The following PCED1B variants were observed in gnomAD, a reference collection of about 807,000 sequenced individuals.
PCED1B encodes the protein PC-esterase domain-containing protein 1B.
For synonymous variants in PCED1B, 251 were observed against 246.1 expected (o/e 1.02, Z -0.19); for missense variants, 573 against 573.9 (o/e 1.00, Z 0.02).
intron 3 of PCED1B, among the ~76,000 whole-genome samples, chr12:47,229,932 G>T (rs1446048917): frequency 1.3e-5 from 2 of 151,436 alleles, no homozygotes; most frequent in African/African-American, 4.9e-5. Context: ...ACCACACCCG[G>T]CTAATATTTT....
At chr12:47,190,004 T>C (rs1354907993) in intron 2 of PCED1B, among the ~76,000 whole-genome samples, 1 of 152,182 alleles carries the variant, frequency 6.6e-6, no homozygotes, top group East Asian at 1.9e-4. Context: ...CCCTCCTCTA[T>C]GCACTGTGCT....
intron 2 of PCED1B, among the ~76,000 whole-genome samples, chr12:47,134,052 C>A (rs535316841): frequency 6.6e-6 from 1 of 152,302 alleles, no homozygotes; most frequent in Non-Finnish European, 1.5e-5. Flanking sequence ...TGTTTATAAG[C>A]CACCCAGTCT....
chr12:47,205,512 T>C (rs1277655113), intron 2 of PCED1B, among the ~76,000 whole-genome samples: 1 of 152,204 alleles, frequency 6.6e-6, no homozygotes, highest in Non-Finnish European at 1.5e-5. Flanking sequence ...GTTACCGTCT[T>C]TGTTTCAAAG....
intron 2 of PCED1B, among the ~76,000 whole-genome samples, chr12:47,182,286 G>A (rs745868010): frequency 1.3e-5 from 2 of 152,134 alleles, no homozygotes; most frequent in Non-Finnish European, 1.5e-5. Context: ...ACAGTATTGA[G>A]AGAGCTAGAG....
At chr12:47,090,069 G>C (rs1938196869) in intron 1 of PCED1B, among the ~76,000 whole-genome samples, 1 of 152,194 alleles carries the variant, frequency 6.6e-6, no homozygotes, top group Admixed American at 6.5e-5. Flanking sequence ...CACAGCAGTG[G>C]GCCTGAAGTC....
At chr12:47,178,035 G>A (rs144166912) in intron 2 of PCED1B, among the ~76,000 whole-genome samples, 9 of 152,140 alleles carry the variant, frequency 5.9e-5, no homozygotes, top group Non-Finnish European at 1.0e-4. Context: ...TCTAGGAGAG[G>A]GTAAAGGCCA....
At chr12:47,145,884 G>C (rs1343076353) in intron 2 of PCED1B, among the ~76,000 whole-genome samples, 1 of 152,184 alleles carries the variant, frequency 6.6e-6, no homozygotes, top group African/African-American at 2.4e-5. Context: ...ATGGATCAAG[G>C]AGTAATTTCA....
intron 2 of PCED1B, among the ~76,000 whole-genome samples, chr12:47,159,930 G>A (rs1391044837): frequency 6.6e-6 from 1 of 152,184 alleles, no homozygotes; most frequent in Non-Finnish European, 1.5e-5. Context: ...TGAGAGATAG[G>A]GGTCTAGTTT....
At chr12:47,140,907 G>C (rs953560591) in intron 2 of PCED1B, among the ~76,000 whole-genome samples, 2 of 152,192 alleles carry the variant, frequency 1.3e-5, no homozygotes, top group African/African-American at 4.8e-5. Context: ...TAGGTAAGAT[G>C]AGTGTATTCA....
At chr12:47,144,075 G>A (rs566722009) in intron 2 of PCED1B, among the ~76,000 whole-genome samples, 69 of 152,222 alleles carry the variant, frequency 4.5e-4, no homozygotes, top group African/African-American at 1.6e-3. Flanking sequence ...AAGAAACCAT[G>A]CCCCCACAGC....
intron 2 of PCED1B, among the ~76,000 whole-genome samples, chr12:47,131,318 G>T (rs1024403046): frequency 6.6e-6 from 1 of 152,170 alleles, no homozygotes. Flanking sequence ...CCCCCAAAAC[G>T]CCCTCCTTAA....
chr12:47,203,279 CTTTT>C (rs1437504489), intron 2 of PCED1B, among the ~76,000 whole-genome samples: 1 of 151,990 alleles, frequency 6.6e-6, no homozygotes, highest in Admixed American at 6.6e-5. Flanking sequence ...CTTCTCTTTT[CTTTT>C]TTTAATTTTT....
At chr12:47,207,356 A>G (rs538365293) in intron 2 of PCED1B, among the ~76,000 whole-genome samples, 1 of 152,356 alleles carries the variant, frequency 6.6e-6, no homozygotes, top group East Asian at 1.9e-4. Flanking sequence ...TAGCACAGAT[A>G]AGAACCTAAT....
intron 2 of PCED1B, among the ~76,000 whole-genome samples, chr12:47,107,331 C>T (rs1406048414): frequency 2.0e-5 from 3 of 152,040 alleles, no homozygotes; most frequent in Non-Finnish European, 4.4e-5. Context: ...TATTGCCTCT[C>T]CCGGCATGTC....
chr12:47,150,140 G>A lies in PCED1B; in HGVS notation c.-526+45945G>A, dbSNP rs371489213. On this transcript the variant is annotated intron_variant, in intron 2 of 3. Coordinates refer to ENST00000546455, the MANE Select transcript of PCED1B (RefSeq NM_138371.3). The stretch of plus-strand genomic sequence containing the variant: ...CAATCATATTTTAACAAAGTTGGAG[G>A]GGAAAAGTGTTCAGTAACAAATATA... 2.0e-5 allele frequency among the ~76,000 whole-genome samples: 3 copies of A among 152,030 alleles called. No homozygotes were observed. In the East Asian group the frequency reaches 5.8e-4, roughly 29 times the overall value.
intron 2 of PCED1B, among the ~76,000 whole-genome samples, chr12:47,202,784 T>C (rs1339662975): frequency 1.3e-5 from 2 of 151,926 alleles, no homozygotes; most frequent in African/African-American, 2.4e-5. Flanking sequence ...TAAAGCCATA[T>C]TCCCTCATGA....
intron 2 of PCED1B, among the ~76,000 whole-genome samples, chr12:47,126,961 T>C (rs958211870): frequency 2.0e-5 from 3 of 152,172 alleles, no homozygotes; most frequent in African/African-American, 4.8e-5. Context: ...CTGTTTTTTG[T>C]TTCATTTATT....
rs954402804 is a variant in PCED1B, at chr12:47,235,493, G to C, written c.430G>C (p.Glu144Gln). The change falls in exon 4 of 4, where the codon GAG (glutamate) becomes CAG (glutamine). Residue 144 changes from glutamate to glutamine, a missense_variant. Coordinates refer to ENST00000546455, the MANE Select transcript of PCED1B (RefSeq NM_138371.3). ...CTGGAGAAGCTACCTGGAGAACCTG[G>C]AGAACCTGTTCCAGTGCCTGGGCCA... ...NSWRSYLENL[E>Q]NLFQCLGQVL... 1 of 1,613,528 alleles carries C rather than the reference G, an allele frequency of 6.2e-7. No individual in the cohort carries two copies. Among genetic ancestry groups the C allele is most frequent in the Non-Finnish European group, 8.5e-7 (1 of 1,179,626 alleles).
At chr12:47,102,786 G>A (rs530333388) in intron 1 of PCED1B, among the ~76,000 whole-genome samples, 48 of 152,274 alleles carry the variant, frequency 3.2e-4, no homozygotes, top group African/African-American at 1.0e-3. Flanking sequence ...TAGGAGCACC[G>A]TGCCTAGAAA....
Sources: allele counts gnomAD v4.1 joint callset (sites outside exome capture counted in the v4.1 genomes callset), GRCh38; gene constraint gnomAD v4.1.1; transcripts MANE v1.5; gene names NCBI Gene and HGNC (gene_info 2026-07-23, HGNC 2026-07-21).